The following CD82 variants were observed in gnomAD, a reference collection of about 807,000 sequenced individuals.
The protein encoded by CD82 is CD82 molecule.
Under a neutral mutation model 37.4 loss-of-function variants are expected in CD82, and 36 were observed. The ratio of observed to expected loss-of-function variants is 0.96; its 90% CI spans 0.74 to 1.27. The LOEUF is 1.27. CD82 is among the 50% of genes most tolerant of loss of function. The pLI, the probability that CD82 is intolerant of heterozygous loss-of-function variation, is 0.00. For missense variants in CD82, 340 were observed against 347.0 expected (o/e 0.98, Z 0.16); for synonymous variants, 158 against 137.4 (o/e 1.15, Z -1.05).
chr11:44,585,222 G>A (rs1396422469), intron 1 of CD82: 1 of 456,264 alleles, frequency 2.2e-6, no homozygotes, highest in Non-Finnish European at 4.4e-6. Context: ...GACTGGATCA[G>A]GCCTCAGAGG....
chr11:44,591,850 G>T (rs190267304), intron 2 of CD82, among the ~76,000 whole-genome samples: 9 of 151,656 alleles, frequency 5.9e-5, no homozygotes, highest in East Asian at 1.9e-4. Context: ...TTGAGACAAA[G>T]TCTCTGTTGC....
At chr11:44,613,987 TTTG>T (rs541397865) in intron 6 of CD82, among the ~76,000 whole-genome samples, 81 of 151,678 alleles carry the variant, frequency 5.3e-4, no homozygotes, top group African/African-American at 1.8e-3. Flanking sequence ...TGTTTTGTTT[TTTG>T]TTGTTGTTGT....
chr11:44,570,868 G>A lies in CD82; in HGVS notation c.-103+5132G>A, dbSNP rs184030070. ...GTGGAAGGTGCTGCTATCCTGTGGG[G>A]ACTCAAGCTGGGGCCTGGAGAAATG... On this transcript the variant is annotated intron_variant, in intron 1 of 9. Transcript: ENST00000227155. 4.0e-3 allele frequency among the ~76,000 whole-genome samples: 603 copies of A among 152,284 alleles called. 4 individuals are homozygous for A. Among genetic ancestry groups the A allele is most frequent in the African/African-American group, 0.014 (567 of 41,554 alleles).
At chr11:44,611,361 C>T (rs1376192238) in intron 6 of CD82, among the ~76,000 whole-genome samples, 2 of 152,150 alleles carry the variant, frequency 1.3e-5, no homozygotes, top group South Asian at 4.1e-4. Context: ...GCAGGCTGTC[C>T]CCAGTGGAGC....
chr11:44,605,199 C>T lies in CD82; in HGVS notation c.261+17C>T. 6.2e-7 allele frequency: 1 copy of T among 1,610,888 alleles called. No individual in the cohort carries two copies. On this transcript the variant is annotated intron_variant, in intron 5 of 9. Coordinates refer to ENST00000227155, the MANE Select transcript of CD82 (RefSeq NM_002231.4). ...CTGGGGCTGGTGAGTACGGATCCCTCCGCAGCTGCCTGCCCATTTCCTCTC... is the reference window on the plus strand; with the variant it reads ...CTGGGGCTGGTGAGTACGGATCCCTTCGCAGCTGCCTGCCCATTTCCTCTC...
In CD82 at chr11:44,597,017, A is replaced by T. The variant is rs1239299878; in HGVS notation, c.63+2292A>T. On this transcript the variant is annotated intron_variant, in intron 3 of 9. Transcript: ENST00000227155. The surrounding 1 kb of genome is among the most constrained non-coding windows in gnomAD (Gnocchi z 4.1). The stretch of plus-strand genomic sequence containing the variant: ...TCTGGGTGTGGCTTTGGAGAGGGGG[A>T]TCCTGGCAGCAGGGGCAGCCGGTGG... 12 of 455,758 alleles carry T rather than the reference A, an allele frequency of 2.6e-5. No individual in the cohort carries two copies. The highest frequency in any genetic ancestry group is 4.0e-5 in the Non-Finnish European group (9 of 226,904). 28.2% of individuals were successfully genotyped at this position (455,758 alleles called of 1,614,324 possible).
At chr11:44,605,003 G>A in intron 4 of CD82, 55 bp from the exon 5 acceptor site, 2 of 1,612,450 alleles carry the variant, frequency 1.2e-6, no homozygotes, top group African/African-American at 1.3e-5. Flanking sequence ...GGACGGTTAG[G>A]CCAGGTGTTT....
intron 2 of CD82, among the ~76,000 whole-genome samples, chr11:44,588,985 G>A (rs990062672): frequency 2.0e-5 from 3 of 152,186 alleles, no homozygotes; most frequent in Admixed American, 2.0e-4. Context: ...CACCAGGAAC[G>A]GTGGCTCACG....
chr11:44,574,002 C>A (rs1232898910), intron 1 of CD82, among the ~76,000 whole-genome samples: 2 of 152,176 alleles, frequency 1.3e-5, no homozygotes, highest in Non-Finnish European at 2.9e-5. Flanking sequence ...GTCATTACTT[C>A]TGGGGAAATG....
chr11:44,582,726 G>C (rs1852998719), intron 1 of CD82, among the ~76,000 whole-genome samples: 1 of 152,122 alleles, frequency 6.6e-6, no homozygotes, highest in Non-Finnish European at 1.5e-5. Context: ...GGAATCTGGG[G>C]CTTCTTGCAA....
At chr11:44,609,983 G>A (rs111768450) in intron 6 of CD82, among the ~76,000 whole-genome samples, 244 of 152,324 alleles carry the variant, frequency 1.6e-3, no homozygotes, top group African/African-American at 5.6e-3. Flanking sequence ...TTTCCTATCA[G>A]GGTACTGGGA....
chr11:44,576,578 G>A (rs758761196), intron 1 of CD82, among the ~76,000 whole-genome samples: 5 of 152,212 alleles, frequency 3.3e-5, no homozygotes, highest in Non-Finnish European at 7.3e-5. Flanking sequence ...GCTCTCTTGG[G>A]ATTCAGGGTC....
rs954947671 is a variant in CD82 at position 44,578,649 on chromosome 11, C to T, written c.-102-8826C>T. Among the ~76,000 whole-genome samples, 2 of 152,212 alleles carry T rather than the reference C, an allele frequency of 1.3e-5. 1 individual carries two copies. On this transcript the variant is annotated intron_variant, in intron 1 of 9. Transcript: ENST00000227155. ...GGCCCACAGCTGGACTCACTATCCTCTCTGCCTGCCCCAGCTCTCAGTGGA... is the reference window on the plus strand; with the variant it reads ...GGCCCACAGCTGGACTCACTATCCTTTCTGCCTGCCCCAGCTCTCAGTGGA...
chr11:44,568,976 A>G (rs1436831957), intron 1 of CD82, among the ~76,000 whole-genome samples: 1 of 152,132 alleles, frequency 6.6e-6, no homozygotes, highest in African/African-American at 2.4e-5. Flanking sequence ...CCTCTGCCCC[A>G]TGGGAAGCTC....
chr11:44,579,125 A>G (rs1403883928), intron 1 of CD82, among the ~76,000 whole-genome samples: 1 of 151,862 alleles, frequency 6.6e-6, no homozygotes, highest in Non-Finnish European at 1.5e-5. Context: ...CAGGAATCAC[A>G]TTTGGTGGGG....
chr11:44,568,448 G>A (rs1852768213), intron 1 of CD82, among the ~76,000 whole-genome samples: 1 of 151,534 alleles, frequency 6.6e-6, no homozygotes, highest in Non-Finnish European at 1.5e-5. Flanking sequence ...GCTACAGAGG[G>A]GTTTGCCCAT....
chr11:44,586,402 C>T lies in CD82; in HGVS notation c.-102-1073C>T, dbSNP rs529979131. 2.0e-5 allele frequency among the ~76,000 whole-genome samples: 3 copies of T among 152,322 alleles called. No individual in the cohort carries two copies. The East Asian group carries it at 5.8e-4, about 29-fold the overall frequency. ...GCATCTTTCTAGGGAGAGTTCACAG[C>T]TTCTGTCAGCTTTTCTGACCCAAAG... On this transcript the variant is annotated intron_variant, in intron 1 of 9. Coordinates refer to ENST00000227155, the MANE Select transcript of CD82 (RefSeq NM_002231.4).
intron 6 of CD82, chr11:44,606,763 G>C (rs1437982069): frequency 6.6e-6 from 1 of 152,322 alleles, no homozygotes; most frequent in Non-Finnish European, 1.5e-5. Context: ...TGGAGAAGCA[G>C]ATGCTCTGAG....
At chr11:44,587,364 G>A (rs1327384134) in intron 1 of CD82, 111 bp from the exon 2 acceptor site, 7 of 446,174 alleles carry the variant, frequency 1.6e-5, no homozygotes, top group Non-Finnish European at 3.2e-5. Flanking sequence ...AACCCTGGCG[G>A]GGCCCCGCCG....
Sources: gnomAD v4.1 joint callset for allele counts (sites outside exome capture counted in the v4.1 genomes callset) on GRCh38, gnomAD v4.1.1 for gene constraint, Gnocchi (gnomAD v3.1) non-coding constraint, MANE v1.5 for transcripts, NCBI Gene and HGNC (gene_info 2026-07-23, HGNC 2026-07-21) for gene names.